The following RAD54L2 variants were observed in gnomAD, a reference collection of about 807,000 sequenced individuals.
The protein encoded by RAD54L2 is helicase ARIP4.
Under a neutral mutation model 138.4 loss-of-function variants are expected in RAD54L2, and 27 were observed. The ratio of observed to expected loss-of-function variants is 0.20; its 90% CI spans 0.14 to 0.27. The LOEUF (loss-of-function observed/expected upper bound fraction) is 0.27, where lower values mean the gene tolerates loss of function less well. Ranked by LOEUF, RAD54L2 falls within the 10% of genes least tolerant of loss-of-function variation. The probability of loss-of-function intolerance (pLI) is 1.00; values close to 1 mark genes in which losing one functional copy is unlikely to be tolerated. For synonymous variants in RAD54L2, 644 were observed against 723.2 expected, an observed-to-expected ratio of 0.89 and a Z score of 1.76; for missense variants, 1,396 against 1,890.2, an observed-to-expected ratio of 0.74 and a Z score of 4.85.
intron 3 of RAD54L2, among the ~76,000 whole-genome samples, chr3:51,607,570 T>G (rs1243689647): frequency 6.6e-6 from 1 of 152,234 alleles, no homozygotes; most frequent in African/African-American, 2.4e-5. Context: ...CCCTTTTCTA[T>G]TCGACAAAAC....
At chr3:51,603,468 A>T (rs1338234585) in intron 3 of RAD54L2, among the ~76,000 whole-genome samples, 1 of 152,032 alleles carries the variant, frequency 6.6e-6, no homozygotes, top group Non-Finnish European at 1.5e-5. Context: ...TTAGCTGAAC[A>T]TGGTGGTAGG....
chr3:51,580,867 G>A (rs935067675), intron 2 of RAD54L2, among the ~76,000 whole-genome samples: 17 of 152,088 alleles, frequency 1.1e-4, no homozygotes, highest in Non-Finnish European at 1.2e-4. Flanking sequence ...GTGGAAAAGC[G>A]TTAATAACCA....
Position 51,641,740 on chromosome 3 carries a change from C to A in RAD54L2, c.2232-9C>A. 6.5e-7 allele frequency: 1 copy of A among 1,545,862 alleles called. No individual in the cohort carries two copies. The highest frequency in any genetic ancestry group is 1.2e-5 in the South Asian group (1 of 84,614). On this transcript the variant is annotated splice_polypyrimidine_tract_variant and intron_variant, in intron 14 of 22. Transcript: ENST00000684192. ...GGGAGCCATCTGAACGAAATGTTTT[C>A]TGTTTCAGCCAGAGTCTTTCCACCT...
At chr3:51,540,486 T>C (rs1577375445) in intron 1 of RAD54L2, among the ~76,000 whole-genome samples, 2 of 152,242 alleles carry the variant, frequency 1.3e-5, no homozygotes, top group South Asian at 4.1e-4. Context: ...CCTGCAGCTG[T>C]GGGCCGGAGC....
At chr3:51,557,813 A>C (rs1169667258) in intron 2 of RAD54L2, among the ~76,000 whole-genome samples, 3 of 145,756 alleles carry the variant, frequency 2.1e-5, no homozygotes, top group African/African-American at 2.6e-5. Flanking sequence ...CTGGGTAACA[A>C]GAGGGAAACT....
At chr3:51,602,630 G>A (rs1470969804) in intron 3 of RAD54L2, among the ~76,000 whole-genome samples, 1 of 152,146 alleles carries the variant, frequency 6.6e-6, no homozygotes, top group African/African-American at 2.4e-5. Context: ...GGGGGCATTA[G>A]GAAAGCAATA....
At chr3:51,611,980 C>T (rs1312131968) in intron 3 of RAD54L2, among the ~76,000 whole-genome samples, 4 of 151,972 alleles carry the variant, frequency 2.6e-5, no homozygotes, top group Admixed American at 6.6e-5. Flanking sequence ...GTGATGGCTA[C>T]GTATAAGATT....
intron 2 of RAD54L2, among the ~76,000 whole-genome samples, chr3:51,576,500 TATTA>T (rs1699484809): frequency 6.6e-6 from 1 of 152,170 alleles, no homozygotes; most frequent in African/African-American, 2.4e-5. Flanking sequence ...GTTGGTAGGC[TATTA>T]ATTATTGCCT....
At chr3:51,655,142 G>C (rs990993119) in intron 19 of RAD54L2, among the ~76,000 whole-genome samples, 1 of 152,062 alleles carries the variant, frequency 6.6e-6, no homozygotes, top group African/African-American at 2.4e-5. Flanking sequence ...CAGCAGAGTG[G>C]TATAAAAGTG....
At chr3:51,621,739 CA>C (rs1057453678) in intron 3 of RAD54L2, among the ~76,000 whole-genome samples, 6 of 152,018 alleles carry the variant, frequency 3.9e-5, no homozygotes, top group African/African-American at 1.4e-4. Flanking sequence ...AGAAACAAAA[CA>C]AAAAAGACCA....
At chr3:51,598,177 G>GTGTATA (rs374594036) in intron 3 of RAD54L2, among the ~76,000 whole-genome samples, 22 of 135,274 alleles carry the variant, frequency 1.6e-4, no homozygotes, top group Admixed American at 6.2e-4. Flanking sequence ...GTGTGTGTGT[G>GTGTATA]TATATATATA....
rs781090990 is a variant in RAD54L2, at chr3:51,627,627, A to C, written c.214A>C (p.Thr72Pro). Residue 72 changes from threonine (T) to proline (P), a missense_variant, in exon 4 of 23, where the codon ACT becomes CCT. Coordinates refer to ENST00000684192, the MANE Select transcript of RAD54L2 (RefSeq NM_015106.4). ...GEDGQQPPRC[T>P]STTSSQSEPS... Reference sequence around the variant, plus strand: ...AGATGGGCAGCAGCCGCCGCGGTGCACTTCAACTACCTCATCTCAGTCTGA... The same window carrying C: ...AGATGGGCAGCAGCCGCCGCGGTGCCCTTCAACTACCTCATCTCAGTCTGA... 4 of 1,585,160 alleles carry C rather than the reference A, an allele frequency of 2.5e-6. No individual in the cohort carries two copies. Among genetic ancestry groups the C allele is most frequent in the Non-Finnish European group, 3.4e-6 (4 of 1,166,456 alleles).
chr3:51,660,009 T>C lies in RAD54L2; in HGVS notation c.3317-17T>C, dbSNP rs1003579071. Reference sequence around the variant, plus strand: ...TATATGTCTGCCTCTAACTGTCTTCTTCGTGTCTATTCTTAGGGACGTACA... The same window carrying C: ...TATATGTCTGCCTCTAACTGTCTTCCTCGTGTCTATTCTTAGGGACGTACA... On this transcript the variant is annotated splice_polypyrimidine_tract_variant and intron_variant, in intron 21 of 22. Coordinates refer to ENST00000684192, the MANE Select transcript of RAD54L2 (RefSeq NM_015106.4). 1.3e-6 allele frequency: 2 copies of C among 1,559,748 alleles called. No homozygotes were observed. The highest frequency in any genetic ancestry group is 2.7e-5 in the African/African-American group (2 of 74,206).
rs1057283132 is a variant in RAD54L2 at position 51,586,693 on chromosome 3, C to T, written c.-54-3674C>T. 4.0e-5 allele frequency among the ~76,000 whole-genome samples: 6 copies of T among 151,648 alleles called. No individual in the cohort carries two copies. The South Asian group carries it at 8.3e-4, about 21-fold the overall frequency. Reference sequence around the variant, plus strand: ...AGGCGATTCTTCTGCTTCAGCGTCCCGAGTAGCTGGGATTATAGGCATGCG... The same window carrying T: ...AGGCGATTCTTCTGCTTCAGCGTCCTGAGTAGCTGGGATTATAGGCATGCG... On this transcript the variant is annotated intron_variant, in intron 2 of 22. Transcript: ENST00000684192.
At chr3:51,616,381 T>C (rs1252095114) in intron 3 of RAD54L2, among the ~76,000 whole-genome samples, 1 of 152,258 alleles carries the variant, frequency 6.6e-6, no homozygotes, top group East Asian at 1.9e-4. Flanking sequence ...TTTAAGGCTA[T>C]GTATTTCCTT....
chr3:51,601,531 C>T (rs942909038), intron 3 of RAD54L2, among the ~76,000 whole-genome samples: 1 of 151,902 alleles, frequency 6.6e-6, no homozygotes, highest in African/African-American at 2.4e-5. Flanking sequence ...TGGTCTCGAA[C>T]TTGTGACCTC....
At chr3:51,571,385 C>T (rs1661733014) in intron 2 of RAD54L2, among the ~76,000 whole-genome samples, 1 of 147,280 alleles carries the variant, frequency 6.8e-6, no homozygotes, top group Admixed American at 6.8e-5. Context: ...TGTGGAATAC[C>T]TGCTTTTTTT....
At chr3:51,633,404 T>C (rs1403308681) in intron 7 of RAD54L2, among the ~76,000 whole-genome samples, 173 bp from the exon 8 acceptor site, 1 of 152,210 alleles carries the variant, frequency 6.6e-6, no homozygotes, top group African/African-American at 2.4e-5. Flanking sequence ...CCAAGAGGAC[T>C]GTCACCAGCA....
At chr3:51,552,188 G>A (rs897430987) in intron 2 of RAD54L2, among the ~76,000 whole-genome samples, 1 of 151,948 alleles carries the variant, frequency 6.6e-6, no homozygotes, top group Non-Finnish European at 1.5e-5. Context: ...ATTTCTCCCC[G>A]ACACTGAACT....
Sources: gnomAD v4.1 joint callset for allele counts (sites outside exome capture counted in the v4.1 genomes callset) on GRCh38, gnomAD v4.1.1 for gene constraint, MANE v1.5 for transcripts, NCBI Gene and HGNC (gene_info 2026-07-23, HGNC 2026-07-21) for gene names.